Variants in FFAR1 observed in about 807,000 individuals in gnomAD.
FFAR1 encodes the protein free fatty acid receptor 1.
For synonymous variants in FFAR1, 216 were observed against 201.5 expected, an observed-to-expected ratio of 1.07 and a Z score of -0.61; for missense variants, 424 against 396.2, an observed-to-expected ratio of 1.07 and a Z score of -0.60.
At chr19:35,352,113 C>T in exon 1 of FFAR1, 1 of 1,612,384 alleles carries the variant, frequency 6.2e-7, no homozygotes, top group South Asian at 1.1e-5. Context: ...CAGCCTCTCT[C>T]TCCTGCTCTT....
At chr19:35,351,554 G>T in exon 1 of FFAR1, 1 of 1,540,104 alleles carries the variant, frequency 6.5e-7, no homozygotes. Context: ...GCGGCCCCAT[G>T]GACCTGCCCC....
In FFAR1 at chr19:35,351,889, G is replaced by A. The variant is rs200829130; in HGVS notation, c.338G>A (p.Gly113Asp). 1.2e-5 allele frequency: 19 copies of A among 1,614,052 alleles called. No individual in the cohort carries two copies. The Admixed American group carries it at 3.2e-4, about 27-fold the overall frequency. ...TACCTGGGAGCAGCCTTCCCCTTGG[G>A]CTACCAAGCCTTCCGGAGGCCGTGC... is the stretch of plus-strand genomic sequence containing the variant. The change falls in exon 1 of 1, where the codon GGC (glycine) becomes GAC (aspartate). Residue 113 changes from glycine (G) to aspartate (D), a missense_variant. Gly to Asp is a moderately conservative substitution (Grantham distance 94). Coordinates refer to ENST00000246553, the Ensembl canonical transcript of FFAR1.
chr19:35,350,116 C>A (rs527323829), upstream of FFAR1, among the ~76,000 whole-genome samples: 11 of 152,244 alleles, frequency 7.2e-5, no homozygotes, highest in African/African-American at 2.4e-4. Context: ...TCTGTGCCAC[C>A]CCTTGACAGG....
chr19:35,348,190 G>A (rs913876840), upstream of FFAR1, among the ~76,000 whole-genome samples: 3 of 152,156 alleles, frequency 2.0e-5, no homozygotes, highest in East Asian at 1.9e-4. Flanking sequence ...GTACCCGGAC[G>A]GTAACTCTAG....
At chr19:35,351,904 G>C (rs1913300989) in exon 1 of FFAR1, 1 of 1,614,054 alleles carries the variant, frequency 6.2e-7, no homozygotes, top group Non-Finnish European at 8.5e-7. Context: ...CAAGCCTTCC[G>C]GAGGCCGTGC....
exon 1 of FFAR1, chr19:35,352,443 T>C: frequency 1.3e-6 from 2 of 1,552,418 alleles, no homozygotes; most frequent in Non-Finnish European, 1.7e-6. Context: ...AGGGGGCAAG[T>C]CCCAGAAGTA....
chr19:35,352,149 T>G (rs753605237), exon 1 of FFAR1: 2 of 1,610,316 alleles, frequency 1.2e-6, no homozygotes, highest in Non-Finnish European at 1.7e-6. Context: ...CATCACAGCC[T>G]TCTGCTACGT....
At chr19:35,352,456 G>T in exon 1 of FFAR1, 2 of 1,550,548 alleles carry the variant, frequency 1.3e-6, no homozygotes, top group Non-Finnish European at 8.7e-7. Flanking sequence ...CAGAAGTAAC[G>T]CCACTGCTCG....
chr19:35,351,855 G>C (rs1372439783), exon 1 of FFAR1: 11 of 1,612,504 alleles, frequency 6.8e-6, no homozygotes, highest in Non-Finnish European at 7.6e-6. Flanking sequence ...CGCCCTGAGT[G>C]CAGGCCGCTA....
chr19:35,348,789 G>A (rs532250255), upstream of FFAR1, among the ~76,000 whole-genome samples: 34 of 152,264 alleles, frequency 2.2e-4, no homozygotes, highest in African/African-American at 7.9e-4. Context: ...ACCAACCTTG[G>A]GGATCTCTAG....
upstream of FFAR1, among the ~76,000 whole-genome samples, chr19:35,350,404 C>A (rs2066939125): frequency 6.6e-6 from 1 of 152,240 alleles, no homozygotes; most frequent in South Asian, 2.1e-4. Context: ...CACAGGGCAC[C>A]CTGTGTTGTC....
chr19:35,351,511 A>G (rs1357966045), upstream of FFAR1: 2 of 1,530,972 alleles, frequency 1.3e-6, no homozygotes, highest in Admixed American at 2.0e-5. Flanking sequence ...ACAGGGAGCC[A>G]GGTTGCACAC....
upstream of FFAR1, among the ~76,000 whole-genome samples, chr19:35,349,886 G>A (rs2066936931): frequency 3.9e-5 from 6 of 152,224 alleles, no homozygotes; most frequent in Admixed American, 3.9e-4. Context: ...CTCACCAGCA[G>A]GCGTGGGCAC....
chr19:35,351,831 G>A (rs984383484), exon 1 of FFAR1: 5 of 1,610,806 alleles, frequency 3.1e-6, no homozygotes, highest in African/African-American at 1.3e-5. Context: ...CTATGCCGGC[G>A]GGGGCTTCCT....
chr19:35,348,909 C>T (rs965784832), upstream of FFAR1, among the ~76,000 whole-genome samples: 1 of 152,230 alleles, frequency 6.6e-6, no homozygotes, highest in Admixed American at 6.5e-5. Flanking sequence ...GCATCTTCCC[C>T]TTCCCACCCT....
chr19:35,350,230 G>A (rs375179563), upstream of FFAR1, among the ~76,000 whole-genome samples: 10 of 152,298 alleles, frequency 6.6e-5, no homozygotes, highest in African/African-American at 2.2e-4. Context: ...TGGGAAGGTC[G>A]GAAGCCACCA....
chr19:35,348,771 G>A (rs1043262207), upstream of FFAR1, among the ~76,000 whole-genome samples: 12 of 152,166 alleles, frequency 7.9e-5, no homozygotes, highest in African/African-American at 2.7e-4. Flanking sequence ...AAAAAGATAA[G>A]GCGTAGGACC....
upstream of FFAR1, among the ~76,000 whole-genome samples, chr19:35,350,950 G>T (rs1319941317): frequency 3.3e-5 from 5 of 152,118 alleles, no homozygotes; most frequent in Non-Finnish European, 5.9e-5. Context: ...ACATGGATGG[G>T]GCCTGGCTGA....
At chr19:35,351,890 C>T in exon 1 of FFAR1, 1 of 1,614,076 alleles carries the variant, frequency 6.2e-7, no homozygotes, top group Non-Finnish European at 8.5e-7. Context: ...TCCCCTTGGG[C>T]TACCAAGCCT....
Sources: gnomAD v4.1 joint callset for allele counts (sites outside exome capture counted in the v4.1 genomes callset) on GRCh38, gnomAD v4.1.1 for gene constraint, MANE v1.5 for transcripts, NCBI Gene and HGNC (gene_info 2026-07-23, HGNC 2026-07-21) for gene names.